The following NECTIN3 variants were observed in gnomAD, a reference collection of about 807,000 sequenced individuals.
The protein encoded by NECTIN3 is nectin-3.
NECTIN3 carries 8 observed loss-of-function variants against 49.4 expected under a neutral mutation model. The observed-to-expected ratio is 0.16, with a 90% CI of 0.10 to 0.29. NECTIN3 has a LOEUF of 0.29. NECTIN3 is among the 10% of genes least tolerant of loss of function. The probability of loss-of-function intolerance (pLI) is 1.00; values close to 1 mark genes in which losing one functional copy is unlikely to be tolerated. For synonymous variants in NECTIN3, 277 were observed against 241.1 expected (o/e 1.15, Z -1.38); for missense variants, 581 against 654.6 (o/e 0.89, Z 1.23).
At chr3:111,074,035 C>G (rs1014171987) in intron 1 of NECTIN3, among the ~76,000 whole-genome samples, 9 of 152,100 alleles carry the variant, frequency 5.9e-5, no homozygotes, top group African/African-American at 2.2e-4. Flanking sequence ...AGAGTCAACT[C>G]TTCTTGTTGT....
chr3:111,081,200 G>T (rs1373919803), intron 1 of NECTIN3, among the ~76,000 whole-genome samples: 1 of 152,198 alleles, frequency 6.6e-6, no homozygotes, highest in Non-Finnish European at 1.5e-5. Context: ...AGGATTGCTT[G>T]AGCCCGGAAG....
chr3:111,081,830 T>G (rs1417877826), intron 1 of NECTIN3, among the ~76,000 whole-genome samples: 1 of 152,114 alleles, frequency 6.6e-6, no homozygotes, highest in Non-Finnish European at 1.5e-5. Context: ...AAGCATGAAC[T>G]TTATGGAGGG....
intron 1 of NECTIN3, among the ~76,000 whole-genome samples, chr3:111,091,445 G>T (rs1413346925): frequency 6.6e-6 from 1 of 151,940 alleles, no homozygotes; most frequent in East Asian, 1.9e-4. Flanking sequence ...GTAGAGACGG[G>T]GTTTCACTGT....
Position 111,193,446 on chromosome 3 carries a change from C to T in NECTIN3, c.63+1033C>T. On this transcript the variant is annotated intron_variant, in intron 1 of 1. Coordinates refer to the NECTIN3 transcript ENST00000485506. Reference sequence around the variant, plus strand: ...CTTAGATTGGGGAGAGAAGCTAAGGCCAATAGTTATTTTACTGTCTCTCAT... The same window carrying T: ...CTTAGATTGGGGAGAGAAGCTAAGGTCAATAGTTATTTTACTGTCTCTCAT... 8 of 1,432,098 alleles carry T rather than the reference C, an allele frequency of 5.6e-6. No homozygotes were observed. In the South Asian group the frequency reaches 1.0e-4, roughly 18 times the overall value. The allele number at this position is 1,432,098 out of a possible 1,614,324, so 88.7% of individuals were successfully genotyped here.
At chr3:111,145,456 A>C (rs1249941353) in intron 6 of NECTIN3, among the ~76,000 whole-genome samples, 2 of 152,198 alleles carry the variant, frequency 1.3e-5, no homozygotes, top group Non-Finnish European at 2.9e-5. Flanking sequence ...TCAAGTTATT[A>C]AATACATTGA....
downstream of NECTIN3, among the ~76,000 whole-genome samples, chr3:111,141,513 GA>G: frequency 6.6e-6 from 1 of 151,926 alleles, no homozygotes; most frequent in South Asian, 2.1e-4. Flanking sequence ...AAAAAGTAAT[GA>G]AAGTCATTTC....
intron 7 of NECTIN3, among the ~76,000 whole-genome samples, chr3:111,169,142 T>G (rs1305494231): frequency 7.4e-6 from 1 of 135,702 alleles, no homozygotes; most frequent in East Asian, 2.3e-4. Flanking sequence ...CAGGCTGGAG[T>G]GCAGTGGCGC....
chr3:111,086,576 T>C (rs1226078262), intron 1 of NECTIN3, among the ~76,000 whole-genome samples: 2 of 152,204 alleles, frequency 1.3e-5, no homozygotes. Context: ...CTGGAGTTTT[T>C]TGGACTCTGT....
chr3:111,079,782 A>C (rs1047889417), intron 1 of NECTIN3, among the ~76,000 whole-genome samples: 2 of 151,874 alleles, frequency 1.3e-5, no homozygotes, highest in Non-Finnish European at 1.5e-5. Context: ...TGCCAACACA[A>C]TCTTTGAGAA....
intron 1 of NECTIN3, among the ~76,000 whole-genome samples, chr3:111,090,732 A>G (rs917213531): frequency 6.6e-6 from 1 of 151,794 alleles, no homozygotes; most frequent in African/African-American, 2.4e-5. Context: ...TCTTACTCTG[A>G]AGATCATCCT....
chr3:111,130,292 A>G (rs1323304525), intron 5 of NECTIN3, among the ~76,000 whole-genome samples: 1 of 150,490 alleles, frequency 6.6e-6, no homozygotes. Flanking sequence ...CAGTAGTTAG[A>G]CTTTACTTTT....
chr3:111,150,523 A>G (rs1045991502), intron 7 of NECTIN3, among the ~76,000 whole-genome samples: 1 of 151,988 alleles, frequency 6.6e-6, no homozygotes, highest in African/African-American at 2.4e-5. Flanking sequence ...TAATATATGC[A>G]TAAAGTACTT....
At chr3:111,119,010 T>G (rs552051095) in intron 3 of NECTIN3, 58 bp downstream of exon 3, 3 of 1,376,992 alleles carry the variant, frequency 2.2e-6, no homozygotes, top group African/African-American at 2.9e-5. Context: ...ATCAAACTAT[T>G]TTTAGTTTGA....
At chr3:111,148,982 C>G (rs750084197) in intron 7 of NECTIN3, among the ~76,000 whole-genome samples, 5 of 152,056 alleles carry the variant, frequency 3.3e-5, no homozygotes, top group Non-Finnish European at 4.4e-5. Flanking sequence ...TCTTAGAAAA[C>G]TAATAGTTTT....
intron 1 of NECTIN3, among the ~76,000 whole-genome samples, chr3:111,082,103 T>TA (rs2107366168): frequency 6.6e-6 from 1 of 152,280 alleles, no homozygotes; most frequent in African/African-American, 2.4e-5. Context: ...AAGTAGATGA[T>TA]ATGGTGTTTG....
intron 7 of NECTIN3, among the ~76,000 whole-genome samples, chr3:111,167,045 A>G (rs1277652951): frequency 3.9e-5 from 6 of 152,196 alleles, no homozygotes; most frequent in Admixed American, 2.0e-4. Context: ...GTAAAATTGA[A>G]TGTCAGTTAG....
intron 1 of NECTIN3, among the ~76,000 whole-genome samples, chr3:111,098,498 G>T (rs2032719251): frequency 6.6e-6 from 1 of 152,120 alleles, no homozygotes; most frequent in African/African-American, 2.4e-5. Flanking sequence ...CATAACTCCA[G>T]TTTTTTCCTG....
intron 1 of NECTIN3, among the ~76,000 whole-genome samples, chr3:111,095,509 C>T (rs1033308762): frequency 3.9e-5 from 6 of 152,194 alleles, no homozygotes; most frequent in East Asian, 3.8e-4. Flanking sequence ...CAGAAAAAGA[C>T]TCCAGACATC....
At chr3:111,083,891 A>G (rs1488495516) in intron 1 of NECTIN3, among the ~76,000 whole-genome samples, 5 of 152,216 alleles carry the variant, frequency 3.3e-5, no homozygotes, top group African/African-American at 9.6e-5. Context: ...TTTGCTGCTC[A>G]TAGAAACTGG....
Sources: gnomAD v4.1 joint callset for allele counts (sites outside exome capture counted in the v4.1 genomes callset) on GRCh38, gnomAD v4.1.1 for gene constraint, MANE v1.5 for transcripts, NCBI Gene and HGNC (gene_info 2026-07-23, HGNC 2026-07-21) for gene names.